Variants in UTRN observed in about 807,000 individuals in gnomAD.
UTRN encodes the protein utrophin.
A neutral mutation model predicts 463.9 loss-of-function variants in UTRN; 283 were observed. That is an observed-to-expected ratio of 0.61 (90% confidence interval 0.55 to 0.67). UTRN has a LOEUF of 0.67. Ranked by LOEUF, UTRN falls within the 30% of genes least tolerant of loss-of-function variation. The pLI, the probability that UTRN is intolerant of heterozygous loss-of-function variation, is 0.00. For missense variants in UTRN, 3,922 were observed against 4,084.3 expected (o/e 0.96, Z 1.08); for synonymous variants, 1,442 against 1,431.5 (o/e 1.01, Z -0.17).
chr6:144,701,468 C>G (rs768230774), intron 53 of UTRN, among the ~76,000 whole-genome samples: 1 of 152,202 alleles, frequency 6.6e-6, no homozygotes, highest in Non-Finnish European at 1.5e-5. Flanking sequence ...TTACTCTGAT[C>G]AGCCAAAAGA....
At chr6:144,428,681 A>G (rs1584746125) in intron 7 of UTRN, 97 bp from the exon 8 acceptor site, 1 of 616,678 alleles carries the variant, frequency 1.6e-6, no homozygotes, top group East Asian at 3.1e-5. Flanking sequence ...CCTCACAAAT[A>G]AAAATAATCT....
intron 2 of UTRN, among the ~76,000 whole-genome samples, chr6:144,334,852 T>C (rs1229195802): frequency 6.6e-6 from 1 of 152,174 alleles, no homozygotes; most frequent in Non-Finnish European, 1.5e-5. Flanking sequence ...GTGTTTTACT[T>C]TGTGTCCTGA....
At chr6:144,554,997 C>G in intron 49 of UTRN, 104 bp downstream of exon 49, 1 of 1,339,198 alleles carries the variant, frequency 7.5e-7, no homozygotes, top group Non-Finnish European at 1.0e-6. Context: ...ATGTTTTTTC[C>G]TAAGTTCTTA....
chr6:144,521,163 G>A (rs980913123), intron 39 of UTRN, among the ~76,000 whole-genome samples: 1 of 152,084 alleles, frequency 6.6e-6, no homozygotes, highest in African/African-American at 2.4e-5. Flanking sequence ...GTGCATGCTT[G>A]TAATCCCAGC....
chr6:144,623,584 G>A (rs956047336), intron 51 of UTRN, among the ~76,000 whole-genome samples: 2 of 152,282 alleles, frequency 1.3e-5, no homozygotes, highest in East Asian at 3.9e-4. Flanking sequence ...AAAAATGGTA[G>A]TCCTCTTTCA....
chr6:144,789,136 G>T, intron 61 of UTRN, 58 bp from the exon 62 acceptor site: 2 of 1,328,092 alleles, frequency 1.5e-6, no homozygotes, highest in South Asian at 1.3e-5. Flanking sequence ...CAGAAACAAT[G>T]AACATGCTGT....
rs548346034 is a variant in UTRN at position 144,835,415 on chromosome 6, CTTAA to C, written c.9666-362_9666-359del. Reference sequence around the variant, plus strand: ...CTAAAGACAGTGAAGTCAGATGATTCTTAATTCAGTAGTCTTTTAATCAACTCTT... The same window carrying C: ...CTAAAGACAGTGAAGTCAGATGATTCTTCAGTAGTCTTTTAATCAACTCTT... On this transcript the variant is annotated intron_variant, in intron 69 of 74. Transcript: ENST00000367545. 2.0e-3 allele frequency among the ~76,000 whole-genome samples: 301 copies of C among 152,218 alleles called. 4 individuals carry two copies. The highest frequency in any genetic ancestry group is 8.0e-3 in the Admixed American group (122 of 15,282).
At chr6:144,438,954 A>G in intron 12 of UTRN, 59 bp downstream of exon 12, 1 of 1,560,624 alleles carries the variant, frequency 6.4e-7, no homozygotes, top group South Asian at 1.1e-5. Context: ...AGCACTTAGC[A>G]TCTCAGAGGC....
intron 37 of UTRN, among the ~76,000 whole-genome samples, chr6:144,515,975 A>T (rs1795578706): frequency 6.6e-6 from 1 of 152,118 alleles, no homozygotes; most frequent in Non-Finnish European, 1.5e-5. Context: ...CCACGCCACA[A>T]CACTCTGGGC....
At chr6:144,688,362 TG>T (rs1168624896) in intron 52 of UTRN, among the ~76,000 whole-genome samples, 5 of 152,218 alleles carry the variant, frequency 3.3e-5, no homozygotes, top group Admixed American at 3.3e-4. Context: ...ATTCTTTATC[TG>T]GTATTTCCAA....
chr6:144,776,450 CA>C (rs765704135), intron 60 of UTRN, among the ~76,000 whole-genome samples: 8 of 152,184 alleles, frequency 5.3e-5, no homozygotes, highest in Non-Finnish European at 1.2e-4. Context: ...AGGCAGAGGG[CA>C]GTGTCATTGT....
intron 54 of UTRN, among the ~76,000 whole-genome samples, chr6:144,732,277 T>TATATATATATATACAC (rs1788740544): frequency 4.4e-4 from 39 of 88,732 alleles, no homozygotes; most frequent in African/African-American, 1.9e-3. Context: ...TATATATATA[T>TATATATATATATACAC]ACACACATAT....
chr6:144,441,571 GTC>G (rs1787166215), intron 13 of UTRN, among the ~76,000 whole-genome samples: 1 of 152,212 alleles, frequency 6.6e-6, no homozygotes, highest in South Asian at 2.1e-4. Flanking sequence ...AGTGTTGAGT[GTC>G]TGCGGCTTTT....
At chr6:144,815,484 C>G (rs1382954316) in intron 65 of UTRN, among the ~76,000 whole-genome samples, 1 of 152,004 alleles carries the variant, frequency 6.6e-6, no homozygotes, top group Non-Finnish European at 1.5e-5. Context: ...TTTGAGTACC[C>G]AAACCTCAAA....
At chr6:144,708,834 C>T (rs572022022) in intron 53 of UTRN, among the ~76,000 whole-genome samples, 23 of 152,272 alleles carry the variant, frequency 1.5e-4, no homozygotes, top group African/African-American at 5.3e-4. Context: ...GCTGGGCTCA[C>T]AGTTCCAGAG....
intron 50 of UTRN, among the ~76,000 whole-genome samples, chr6:144,561,205 TTATATATATATATATATATATATA>T (rs1162903466): frequency 0.026 from 1,579 of 60,206 alleles, 90 homozygotes; most frequent in African/African-American, 0.066. Flanking sequence ...AAAAATAACA[TTATATATATATATATATATATATA>T]TATATATATA....
intron 2 of UTRN, chr6:144,311,558 T>C (rs1010039347): frequency 6.6e-6 from 1 of 152,278 alleles, no homozygotes; most frequent in African/African-American, 2.4e-5. Flanking sequence ...TCACTCAAGC[T>C]GTCTGCACAA....
intron 61 of UTRN, 87 bp from the exon 62 acceptor site, chr6:144,789,107 C>G: frequency 9.5e-7 from 1 of 1,055,984 alleles, no homozygotes; most frequent in African/African-American, 1.6e-5. Flanking sequence ...GATGGTTTAC[C>G]CCCAAGAAAA....
intron 53 of UTRN, among the ~76,000 whole-genome samples, chr6:144,725,493 A>G (rs1323648604): frequency 6.6e-6 from 1 of 152,240 alleles, no homozygotes; most frequent in Admixed American, 6.5e-5. Context: ...TTGAATGAAA[A>G]TATAAACTCA....
Sources: gnomAD v4.1 joint callset for allele counts (sites outside exome capture counted in the v4.1 genomes callset) on GRCh38, gnomAD v4.1.1 for gene constraint, MANE v1.5 for transcripts, NCBI Gene and HGNC (gene_info 2026-07-23, HGNC 2026-07-21) for gene names.